Variants in CTNNA2 observed in about 807,000 individuals in gnomAD.
The protein encoded by CTNNA2 is catenin alpha-2.
In CTNNA2, 42 loss-of-function variants were observed where a neutral mutation model predicts 101.0. The observed-to-expected ratio is 0.42, with a 90% CI of 0.32 to 0.54. CTNNA2 has a LOEUF of 0.54. CTNNA2 is among the 20% of genes least tolerant of loss of function. The probability of loss-of-function intolerance (pLI) is 0.14; values close to 1 mark genes in which losing one functional copy is unlikely to be tolerated. For synonymous variants in CTNNA2, 450 were observed against 456.4 expected, an observed-to-expected ratio of 0.99 and a Z score of 0.18; for missense variants, 871 against 1,223.1, an observed-to-expected ratio of 0.71 and a Z score of 4.29.
At position 80,323,259 on chromosome 2, in the gene CTNNA2, T is replaced by C. The variant is rs74944582; in HGVS notation, c.1057-69952T>C. On this transcript the variant is annotated intron_variant, in intron 7 of 18. Coordinates refer to ENST00000402739, the MANE Select transcript of CTNNA2 (RefSeq NM_001282597.3). ...ACGGGTTAGAACTCCAAGCTTCTGA[T>C]GTAATAGGGCTCCGAACAGGCCTGG... is the stretch of plus-strand genomic sequence containing the variant. Among the ~76,000 whole-genome samples the C allele has an allele frequency of 2.5e-3, 375 of 152,290 alleles. 1 individual carries two copies. Among genetic ancestry groups the C allele is most frequent in the African/African-American group, 8.8e-3 (365 of 41,562 alleles).
At chr2:79,271,436 T>A (rs1158186125) in intron 2 of CTNNA2, among the ~76,000 whole-genome samples, 1 of 152,064 alleles carries the variant, frequency 6.6e-6, no homozygotes, top group Admixed American at 6.6e-5. Context: ...GAGAGCTGTT[T>A]ACTGGCCATA....
chr2:79,497,815 T>C (rs570603637), intron 4 of CTNNA2, among the ~76,000 whole-genome samples: 7 of 152,356 alleles, frequency 4.6e-5, no homozygotes, highest in South Asian at 2.1e-4. Flanking sequence ...TTGTATATCA[T>C]GCAATTATTA....
chr2:80,214,758 G>T (rs1708145404), intron 7 of CTNNA2, among the ~76,000 whole-genome samples: 2 of 152,132 alleles, frequency 1.3e-5, no homozygotes, highest in African/African-American at 2.4e-5. Flanking sequence ...TTCTTGAGGA[G>T]TATCTTTGTG....
intron 4 of CTNNA2, chr2:79,499,070 A>G (rs1288047662): frequency 6.6e-6 from 1 of 152,204 alleles, no homozygotes; most frequent in Admixed American, 6.5e-5. Context: ...TGAGTACATA[A>G]TCATTTCCTA....
intron 3 of CTNNA2, among the ~76,000 whole-genome samples, chr2:79,319,475 C>CCTCTG (rs1243778681): frequency 1.3e-5 from 2 of 152,122 alleles, no homozygotes; most frequent in East Asian, 1.9e-4. Context: ...GCTAAAGCCA[C>CCTCTG]ATTTTTACTG....
intron 7 of CTNNA2, among the ~76,000 whole-genome samples, chr2:80,143,463 A>C (rs1275858468): frequency 6.6e-6 from 1 of 152,116 alleles, no homozygotes; most frequent in Non-Finnish European, 1.5e-5. Context: ...TCTTTTAGCT[A>C]TTTTGAAACA....
chr2:80,308,629 A>G (rs1230336987), intron 7 of CTNNA2, among the ~76,000 whole-genome samples: 1 of 152,218 alleles, frequency 6.6e-6, no homozygotes, highest in East Asian at 1.9e-4. Flanking sequence ...ACAAATTAGA[A>G]ATTGAGGTCA....
chr2:79,924,754 G>A (rs1686910756), intron 7 of CTNNA2, among the ~76,000 whole-genome samples: 1 of 152,034 alleles, frequency 6.6e-6, no homozygotes. Context: ...TTGGAATAAA[G>A]CTTAGTTGGA....
At chr2:80,639,069 T>C (rs1673164589) in intron 18 of CTNNA2, among the ~76,000 whole-genome samples, 1 of 152,226 alleles carries the variant, frequency 6.6e-6, no homozygotes, top group Non-Finnish European at 1.5e-5. Context: ...CTTTTCTGTG[T>C]AATTGATCCA....
chr2:79,766,450 G>A (rs894147267), intron 3 of CTNNA2, among the ~76,000 whole-genome samples: 1 of 152,092 alleles, frequency 6.6e-6, no homozygotes, highest in Non-Finnish European at 1.5e-5. Flanking sequence ...TCTGCTTTTA[G>A]TATCCTTTCT....
intron 4 of CTNNA2, among the ~76,000 whole-genome samples, chr2:79,450,334 G>A (rs547517470): frequency 1.3e-5 from 2 of 151,978 alleles, no homozygotes; most frequent in East Asian, 3.9e-4. Flanking sequence ...CATAACAAAA[G>A]GGCTGCTCTG....
intron 3 of CTNNA2, among the ~76,000 whole-genome samples, chr2:79,815,440 T>A (rs911267586): frequency 6.8e-6 from 1 of 146,330 alleles, no homozygotes; most frequent in African/African-American, 2.5e-5. Flanking sequence ...CTTGAGTTGA[T>A]TTTTGTATAA....
intron 4 of CTNNA2, among the ~76,000 whole-genome samples, chr2:79,384,059 A>G (rs1024733086): frequency 6.6e-6 from 1 of 152,172 alleles, no homozygotes; most frequent in African/African-American, 2.4e-5. Context: ...ATTATAATGA[A>G]TGGGAAACAT....
At chr2:79,371,786 C>G (rs756378788) in intron 3 of CTNNA2, among the ~76,000 whole-genome samples, 18 of 152,036 alleles carry the variant, frequency 1.2e-4, no homozygotes, top group Non-Finnish European at 1.5e-4. Context: ...CTATGACACC[C>G]TTAATGATTC....
chr2:80,319,946 A>G (rs1000419862), intron 7 of CTNNA2, among the ~76,000 whole-genome samples: 5 of 152,194 alleles, frequency 3.3e-5, no homozygotes, highest in Admixed American at 1.3e-4. Flanking sequence ...TTATCCAACT[A>G]TTTTGGGAGC....
chr2:79,776,153 A>G (rs1673946995), intron 3 of CTNNA2, among the ~76,000 whole-genome samples: 1 of 152,218 alleles, frequency 6.6e-6, no homozygotes, highest in Non-Finnish European at 1.5e-5. Flanking sequence ...ATCTGCCTGA[A>G]ATTTTAAAAT....
chr2:80,629,535 A>T (rs1044458681), intron 18 of CTNNA2, among the ~76,000 whole-genome samples: 3 of 152,156 alleles, frequency 2.0e-5, no homozygotes, highest in Non-Finnish European at 4.4e-5. Context: ...CTTTTAAAAA[A>T]ACACTGGTCT....
intron 13 of CTNNA2, among the ~76,000 whole-genome samples, chr2:80,579,911 C>G (rs1322016549): frequency 6.6e-6 from 1 of 152,180 alleles, no homozygotes; most frequent in Non-Finnish European, 1.5e-5. Context: ...ATCGGTATTC[C>G]TTGTGGTCTG....
intron 3 of CTNNA2, among the ~76,000 whole-genome samples, chr2:79,806,077 G>A (rs1183955465): frequency 2.0e-5 from 3 of 152,050 alleles, no homozygotes; most frequent in South Asian, 2.1e-4. Context: ...TCTCTTTCCT[G>A]CTTCTCTCAA....
Sources: gnomAD v4.1 joint callset for allele counts (sites outside exome capture counted in the v4.1 genomes callset) on GRCh38, gnomAD v4.1.1 for gene constraint, MANE v1.5 for transcripts, NCBI Gene and HGNC (gene_info 2026-07-23, HGNC 2026-07-21) for gene names.